Variants in DNAJC5B observed in about 807,000 individuals in gnomAD.
The protein encoded by DNAJC5B is DnaJ heat shock protein family (Hsp40) member C5 beta, also known as dnaJ homolog subfamily C member 5B.
A neutral mutation model predicts 24.7 loss-of-function variants in DNAJC5B; 23 were observed. That is an observed-to-expected ratio of 0.93 (90% CI 0.67 to 1.32). DNAJC5B has a LOEUF of 1.32. Among genes scored for constraint, DNAJC5B ranks in the 40% most tolerant of loss-of-function variants. The pLI is 0.00. For synonymous variants in DNAJC5B, 101 were observed against 90.1 expected, an observed-to-expected ratio of 1.12 and a Z score of -0.68; for missense variants, 238 against 240.8, an observed-to-expected ratio of 0.99 and a Z score of 0.08.
chr8:66,037,716 G>A (rs577888901), intron 1 of DNAJC5B, among the ~76,000 whole-genome samples: 7 of 152,370 alleles, frequency 4.6e-5, no homozygotes, highest in Admixed American at 4.6e-4. Context: ...TAGCAAAGGA[G>A]CACTCGATCT....
upstream of DNAJC5B, among the ~76,000 whole-genome samples, chr8:66,019,380 GA>G (rs1316122331): frequency 6.6e-6 from 1 of 152,174 alleles, no homozygotes. Context: ...TTATAGATCA[GA>G]GGTGAAAAAA....
chr8:66,020,229 C>T (rs1206187396), upstream of DNAJC5B, among the ~76,000 whole-genome samples: 1 of 152,196 alleles, frequency 6.6e-6, no homozygotes, highest in Admixed American at 6.5e-5. Flanking sequence ...ATAATTTTCT[C>T]ATCCAGAAAA....
intron 2 of DNAJC5B, among the ~76,000 whole-genome samples, chr8:66,049,017 A>G (rs1806788001): frequency 6.6e-6 from 1 of 152,182 alleles, no homozygotes; most frequent in South Asian, 2.1e-4. Flanking sequence ...GACCCTGAAC[A>G]CTAGTTTCAT....
Position 66,051,578 on chromosome 8 carries a change from C to A in DNAJC5B, c.31C>A (p.Arg11=), listed in dbSNP as rs188306348. The change falls in exon 3 of 6, where the codon CGG becomes AGG. Residue 11 remains arginine (R), a synonymous_variant. Transcript: ENST00000276570. MACNIPNQRQ[R]TLSTTGEALY... ...ATGTAACATACCTAACCAAAGACAGCGGACTCTGTCAACAACAGGAGAAGC... is the reference window on the plus strand; with the variant it reads ...ATGTAACATACCTAACCAAAGACAGAGGACTCTGTCAACAACAGGAGAAGC... 1.1e-5 allele frequency: 18 copies of A among 1,613,840 alleles called. No individual in the cohort carries two copies. The highest frequency in any genetic ancestry group is 1.5e-5 in the Non-Finnish European group (18 of 1,179,900).
At chr8:66,088,547 G>C (rs1177161196) in intron 5 of DNAJC5B, among the ~76,000 whole-genome samples, 1 of 152,088 alleles carries the variant, frequency 6.6e-6, no homozygotes, top group Non-Finnish European at 1.5e-5. Context: ...CTTATGCTCT[G>C]CTTGCCTTTT....
At chr8:66,048,975 G>A (rs768336332) in intron 2 of DNAJC5B, among the ~76,000 whole-genome samples, 35 of 152,134 alleles carry the variant, frequency 2.3e-4, no homozygotes, top group African/African-American at 1.4e-4. Flanking sequence ...GAGATCCCTC[G>A]TCTGTTTGAT....
chr8:66,021,740 A>C lies in DNAJC5B; in HGVS notation c.-142+35A>C, dbSNP rs117122016. 3.6e-3 allele frequency: 553 copies of C among 152,336 alleles called. 4 individuals carry two copies. Among genetic ancestry groups the C allele is most frequent in the Middle Eastern group, 0.017 (5 of 294 alleles). The allele number at this position is 152,336 out of a possible 1,614,324, so 9.4% of individuals were successfully genotyped here. A position where few individuals can be genotyped will look rare whatever the true frequency, so the allele number is the denominator to read the frequency against. Reference sequence around the variant, plus strand: ...TCTCCAAGCTTAAGAAGAATAGTATAAGCACAGACGGCTTGTGCCCCAGCT... The same window carrying C: ...TCTCCAAGCTTAAGAAGAATAGTATCAGCACAGACGGCTTGTGCCCCAGCT... On this transcript the variant is annotated intron_variant, in intron 1 of 5. Coordinates refer to ENST00000276570, the MANE Select transcript of DNAJC5B (RefSeq NM_033105.6).
At chr8:66,020,089 T>C (rs991618709), upstream of DNAJC5B, among the ~76,000 whole-genome samples, 5 of 152,194 alleles carry the variant, frequency 3.3e-5, no homozygotes, top group Non-Finnish European at 5.9e-5. Flanking sequence ...AAATGACAAT[T>C]TCTCCCCAAC....
chr8:66,022,727 C>T (rs1355678741), intron 1 of DNAJC5B, among the ~76,000 whole-genome samples: 1 of 152,140 alleles, frequency 6.6e-6, no homozygotes, highest in Non-Finnish European at 1.5e-5. Context: ...TAATAGTCCC[C>T]AAAGCATGTA....
chr8:66,036,598 T>C (rs975154901), intron 1 of DNAJC5B, among the ~76,000 whole-genome samples: 8 of 152,122 alleles, frequency 5.3e-5, no homozygotes, highest in Non-Finnish European at 8.8e-5. Context: ...ATCAGGCACA[T>C]GGAAAATCAA....
chr8:66,092,283 T>C (rs1807863872), intron 5 of DNAJC5B, among the ~76,000 whole-genome samples: 1 of 152,196 alleles, frequency 6.6e-6, no homozygotes, highest in African/African-American at 2.4e-5. Flanking sequence ...CTTTGTTCTC[T>C]GCAAATTCAC....
At chr8:66,036,642 T>TC (rs1332191262) in intron 1 of DNAJC5B, among the ~76,000 whole-genome samples, 1 of 152,198 alleles carries the variant, frequency 6.6e-6, no homozygotes, top group African/African-American at 2.4e-5. Flanking sequence ...TTTGAAGTTG[T>TC]AACTCCTGTT....
intron 2 of DNAJC5B, among the ~76,000 whole-genome samples, chr8:66,047,695 T>C (rs1806751765): frequency 6.6e-6 from 1 of 152,172 alleles, no homozygotes; most frequent in South Asian, 2.1e-4. Context: ...CTTAAGACTT[T>C]TATGGAACAT....
intron 1 of DNAJC5B, among the ~76,000 whole-genome samples, chr8:66,040,109 C>T (rs1204986486): frequency 6.6e-6 from 1 of 152,064 alleles, no homozygotes; most frequent in Non-Finnish European, 1.5e-5. Context: ...AAGTGACTTG[C>T]GGCCACACAC....
chr8:66,058,546 C>T (rs149258874), intron 3 of DNAJC5B, among the ~76,000 whole-genome samples: 10 of 152,230 alleles, frequency 6.6e-5, no homozygotes, highest in Non-Finnish European at 1.2e-4. Context: ...TTTTACTGGA[C>T]GGGAAAGGGA....
At chr8:66,035,517 G>A (rs553396037) in intron 1 of DNAJC5B, among the ~76,000 whole-genome samples, 3 of 152,156 alleles carry the variant, frequency 2.0e-5, no homozygotes, top group Non-Finnish European at 2.9e-5. Flanking sequence ...ATGTGAAGAC[G>A]CAGACCCAGG....
intron 3 of DNAJC5B, among the ~76,000 whole-genome samples, 198 bp downstream of exon 3, chr8:66,051,864 T>G (rs1357887548): frequency 1.3e-5 from 2 of 152,150 alleles, no homozygotes; most frequent in Non-Finnish European, 2.9e-5. Flanking sequence ...CTGATGATGC[T>G]GGGCCTTAGG....
chr8:66,021,744 A>G (rs1318306804), intron 1 of DNAJC5B, 39 bp downstream of exon 1: 1 of 152,256 alleles, frequency 6.6e-6, no homozygotes, highest in Non-Finnish European at 1.5e-5. Context: ...TAGTATAAGC[A>G]CAGACGGCTT....
intron 3 of DNAJC5B, among the ~76,000 whole-genome samples, chr8:66,055,539 A>G (rs191357397): frequency 1.3e-3 from 198 of 152,356 alleles, no homozygotes; most frequent in Non-Finnish European, 2.3e-3. Flanking sequence ...GAAAACAGGT[A>G]TATAAAAAAG....
Sources: allele counts gnomAD v4.1 joint callset (sites outside exome capture counted in the v4.1 genomes callset), GRCh38; gene constraint gnomAD v4.1.1; transcripts MANE v1.5; gene names NCBI Gene and HGNC (gene_info 2026-07-23, HGNC 2026-07-21).